The following HERC1 variants were observed in gnomAD, a reference collection of about 807,000 sequenced individuals.
HERC1 encodes the protein probable E3 ubiquitin-protein ligase HERC1.
A neutral mutation model predicts 554.3 loss-of-function variants in HERC1; 160 were observed. The observed-to-expected ratio is 0.29, with a 90% CI of 0.25 to 0.33. The LOEUF (loss-of-function observed/expected upper bound fraction) is 0.33, where lower values mean the gene tolerates loss of function less well. HERC1 is among the 10% of genes least tolerant of loss of function. HERC1 has a pLI of 1.00. For synonymous variants in HERC1, 2,175 were observed against 2,131.7 expected, an observed-to-expected ratio of 1.02 and a Z score of -0.56; for missense variants, 4,919 against 5,918.5, an observed-to-expected ratio of 0.83 and a Z score of 5.54.
chr15:63,668,016 G>A (rs902211390), intron 40 of HERC1, among the ~76,000 whole-genome samples: 2 of 152,162 alleles, frequency 1.3e-5, no homozygotes, highest in Admixed American at 6.5e-5. Context: ...CAGGGGGTTG[G>A]TGCTGCAATC....
chr15:63,643,419 G>A lies in HERC1; in HGVS notation c.11316C>T (p.Asn3772=), dbSNP rs1362538431. ...ATGCTCTTACCCTTAAAGACCAAAT[G>A]TTCATGAGCCCACCTAGTCCACCAG... is the stretch of plus-strand genomic sequence containing the variant. ...LVSGGLGGLM[N]IWSLRDGSVL... Residue 3772 remains asparagine (N), a synonymous_variant, in exon 58 of 78, where the codon AAC becomes AAT. Transcript: ENST00000443617. 2 of 1,613,142 alleles carry A rather than the reference G, an allele frequency of 1.2e-6. No individual in the cohort carries two copies. The highest frequency in any genetic ancestry group is 1.7e-6 in the Non-Finnish European group (2 of 1,179,516).
Position 63,674,997 on chromosome 15 carries a change from T to A in HERC1, c.7191A>T (p.Thr2397=). ...GLTASVLLDL[T]YLTGVHEDMG... ...TGTCTTCATGAACGCCAGTGAGATA[T>A]GTTAGGTCCAGCAGCACAGAAGCCG... The change falls in exon 38 of 78, where the codon ACA becomes ACT. Residue 2397 remains threonine (T), a synonymous_variant. Transcript: ENST00000443617. 3 of 1,614,014 alleles carry A rather than the reference T, an allele frequency of 1.9e-6. No individual in the cohort carries two copies. The highest frequency in any genetic ancestry group is 2.5e-6 in the Non-Finnish European group (3 of 1,179,884).
At chr15:63,800,741 G>A (rs192733585) in intron 1 of HERC1, among the ~76,000 whole-genome samples, 2 of 152,232 alleles carry the variant, frequency 1.3e-5, no homozygotes, top group East Asian at 1.9e-4. Context: ...CTTGGTGTTC[G>A]TAATTTCCTT....
At chr15:63,744,496 C>G (rs1055640355) in intron 12 of HERC1, among the ~76,000 whole-genome samples, 1 of 152,096 alleles carries the variant, frequency 6.6e-6, no homozygotes, top group Non-Finnish European at 1.5e-5. Context: ...GGACTAGAGT[C>G]AAAAACCTTA....
rs1206034935 is a variant in HERC1, at chr15:63,753,031, G to C, written c.1829C>G (p.Ala610Gly). Reference protein sequence around the residue: ...NRVYKPKVIEALQGMFIRKVC... With the variant: ...NRVYKPKVIEGLQGMFIRKVC... ...TTTGCGAATGAACATTCCTTGTAAA[G>C]CTTCAATAACTTTAGGTTTATACAC... The change falls in exon 8 of 78, where the codon GCT (alanine) becomes GGT (glycine). Residue 610 changes from alanine (A) to glycine (G), a missense_variant. Physicochemically the swap from Ala to Gly is moderately conservative, Grantham distance 60 (BLOSUM62 0). This residue lies in a region of HERC1 where 744 missense variants were observed against 1,090.0 expected (regional missense o/e 0.68). Coordinates refer to ENST00000443617, the MANE Select transcript of HERC1 (RefSeq NM_003922.4). The C allele has an allele frequency of 1.2e-6, 2 of 1,613,216 alleles. No homozygotes were observed. Among genetic ancestry groups the C allele is most frequent in the Admixed American group, 3.3e-5 (2 of 59,936 alleles).
intron 10 of HERC1, among the ~76,000 whole-genome samples, chr15:63,748,775 A>G (rs953840786): frequency 5.3e-5 from 8 of 152,240 alleles, no homozygotes; most frequent in Non-Finnish European, 1.2e-4. Context: ...ATTCTAAGCT[A>G]TAAATTAGCC....
At chr15:63,699,201 T>C (rs1029539110) in intron 25 of HERC1, among the ~76,000 whole-genome samples, 3 of 152,036 alleles carry the variant, frequency 2.0e-5, no homozygotes, top group African/African-American at 7.2e-5. Flanking sequence ...TGTAAGAAAA[T>C]AAAGGGAAAG....
At chr15:63,745,643 C>A (rs973366575) in intron 12 of HERC1, among the ~76,000 whole-genome samples, 1 of 152,232 alleles carries the variant, frequency 6.6e-6, no homozygotes, top group Non-Finnish European at 1.5e-5. Context: ...AGGAGTGGCA[C>A]TGCCTATTCA....
At chr15:63,818,967 T>G (rs1005767363) in intron 1 of HERC1, among the ~76,000 whole-genome samples, 2 of 152,262 alleles carry the variant, frequency 1.3e-5, no homozygotes, top group African/African-American at 4.8e-5. Flanking sequence ...TCTAAATTTA[T>G]GTAAAACGCC....
At chr15:63,778,032 T>C (rs1476613715) in intron 1 of HERC1, among the ~76,000 whole-genome samples, 2 of 152,198 alleles carry the variant, frequency 1.3e-5, no homozygotes, top group African/African-American at 4.8e-5. Flanking sequence ...GCTGCATAGC[T>C]ATCTGCCCAA....
intron 34 of HERC1, among the ~76,000 whole-genome samples, chr15:63,681,440 T>A (rs893357188): frequency 3.3e-5 from 5 of 152,120 alleles, no homozygotes; most frequent in Non-Finnish European, 7.4e-5. Context: ...CAAGCAATCC[T>A]CCCACCTCGG....
intron 8 of HERC1, chr15:63,752,635 T>G (rs964836987): frequency 5.5e-6 from 1 of 183,060 alleles, no homozygotes; most frequent in Non-Finnish European, 1.1e-5. Context: ...ACTGGCTCCA[T>G]CAAGATCTAG....
rs76143796 is a variant in HERC1 at position 63,825,747 on chromosome 15, C to A, written c.-27+8080G>T. 3.6e-4 allele frequency among the ~76,000 whole-genome samples: 55 copies of A among 151,226 alleles called. No homozygotes were observed. In the East Asian group the frequency reaches 9.7e-3, roughly 27 times the overall value. On this transcript the variant is annotated intron_variant, in intron 1 of 77. Transcript: ENST00000443617. ...GGAACATCAGTTCATTAGAAAACCA[C>A]GAAAAAAAAGAAAAATAATAATTTT...
chr15:63,655,653 T>C, intron 50 of HERC1, 89 bp downstream of exon 50: 1 of 920,364 alleles, frequency 1.1e-6, no homozygotes, highest in Non-Finnish European at 1.6e-6. Context: ...TCACGTCATA[T>C]AATTTATCAT....
chr15:63,609,531 G>A (rs552969536), intron 77 of HERC1, among the ~76,000 whole-genome samples: 53 of 152,314 alleles, frequency 3.5e-4, no homozygotes, highest in African/African-American at 1.3e-3. Context: ...CTGACTGGCA[G>A]GATTGCTTGA....
At chr15:63,787,097 C>T (rs1456330306) in intron 1 of HERC1, among the ~76,000 whole-genome samples, 1 of 151,946 alleles carries the variant, frequency 6.6e-6, no homozygotes, top group African/African-American at 2.4e-5. Flanking sequence ...CTGCCTCAGC[C>T]TCACAAAGTG....
intron 69 of HERC1, 57 bp downstream of exon 69, chr15:63,630,409 A>T: frequency 6.5e-7 from 1 of 1,533,296 alleles, no homozygotes; most frequent in Non-Finnish European, 8.9e-7. Context: ...TCCCCAACTG[A>T]GGAACACTGT....
chr15:63,684,160 C>T (rs1423641297), intron 34 of HERC1, among the ~76,000 whole-genome samples: 1 of 152,202 alleles, frequency 6.6e-6, no homozygotes, highest in African/African-American at 2.4e-5. Context: ...AGATTGTATT[C>T]TCAATACCCT....
Position 63,713,579 on chromosome 15 carries a change from G to A in HERC1, c.4237C>T (p.Arg1413Ter). The A allele has an allele frequency of 3.1e-6, 5 of 1,613,830 alleles. No individual in the cohort carries two copies. Among genetic ancestry groups the A allele is most frequent in the Admixed American group, 1.7e-5 (1 of 60,014 alleles). The change falls in exon 23 of 78, where the codon CGA (arginine) becomes TGA (stop). Residue 1413 changes from arginine (R) to a stop codon, truncating the protein, a stop_gained. Transcript: ENST00000443617. LOFTEE classifies it high-confidence loss of function. ...GACTGAGGAGGTGGATCATCAGCTCGAGCCCCAGACCCTGCCCCACTGTTC... is the reference window on the plus strand; with the variant it reads ...GACTGAGGAGGTGGATCATCAGCTCAAGCCCCAGACCCTGCCCCACTGTTC... ...RMNSGAGSGA[R>*]ADDPPPQSQQ...
Sources: gnomAD v4.1 joint callset for allele counts (sites outside exome capture counted in the v4.1 genomes callset) on GRCh38, gnomAD v4.1.1 for gene constraint, gnomAD v4.1.1 regional missense constraint, MANE v1.5 for transcripts, NCBI Gene and HGNC (gene_info 2026-07-23, HGNC 2026-07-21) for gene names.